The following TICAM2 variants were observed in gnomAD, a reference collection of about 807,000 sequenced individuals.
TICAM2 encodes the protein TIR domain containing adaptor molecule 2.
Under a neutral mutation model 7.3 loss-of-function variants are expected in TICAM2, and 8 were observed. That is an observed-to-expected ratio of 1.10 (90% CI 0.65 to 1.99). The LOEUF is 1.99. Among genes scored for constraint, TICAM2 ranks in the 30% most tolerant of loss-of-function variants. The pLI is 0.00. For synonymous variants in TICAM2, 113 were observed against 99.6 expected (o/e 1.13, Z -0.80); for missense variants, 304 against 278.8 (o/e 1.09, Z -0.65).
At chr5:115,589,021 G>A (rs1279593815) in intron 1 of TICAM2, among the ~76,000 whole-genome samples, 1 of 152,158 alleles carries the variant, frequency 6.6e-6, no homozygotes, top group Non-Finnish European at 1.5e-5. Flanking sequence ...AACTAGAGTA[G>A]ATTCTGTTGT....
At chr5:115,602,479 TGGC>T (rs1252562254), upstream of TICAM2, 4 of 150,872 alleles carry the variant, frequency 2.7e-5, no homozygotes, top group African/African-American at 9.8e-5. Flanking sequence ...GGGGTTAATG[TGGC>T]GGGATAACTC....
chr5:115,600,980 C>T (rs1433513237), intron 1 of TICAM2, among the ~76,000 whole-genome samples: 1 of 152,180 alleles, frequency 6.6e-6, no homozygotes, highest in African/African-American at 2.4e-5. Context: ...CATGATTCAA[C>T]AGTGTAAACA....
intron 1 of TICAM2, among the ~76,000 whole-genome samples, chr5:115,596,718 GACCATCCTGACTA>G (rs1030752014): frequency 2.0e-5 from 3 of 152,212 alleles, no homozygotes; most frequent in African/African-American, 7.2e-5. Context: ...AGGAGATCAA[GACCATCCTGACTA>G]ACATGGTGAA....
At chr5:115,592,499 C>G (rs1463834195) in intron 1 of TICAM2, among the ~76,000 whole-genome samples, 2 of 152,152 alleles carry the variant, frequency 1.3e-5, no homozygotes, top group Non-Finnish European at 1.5e-5. Flanking sequence ...TCCTAACCCT[C>G]TCTCTCAATT....
At chr5:115,598,223 T>C (rs1319950068) in intron 1 of TICAM2, among the ~76,000 whole-genome samples, 1 of 152,230 alleles carries the variant, frequency 6.6e-6, no homozygotes, top group Non-Finnish European at 1.5e-5. Context: ...CTTCCTTATA[T>C]ATATCTTTTC....
At chr5:115,594,497 G>A (rs1051517635) in intron 1 of TICAM2, among the ~76,000 whole-genome samples, 3 of 152,208 alleles carry the variant, frequency 2.0e-5, no homozygotes, top group Non-Finnish European at 2.9e-5. Flanking sequence ...GTCAGCTTAG[G>A]AGACTAAGTT....
chr5:115,601,515 G>T (rs1207216916), intron 1 of TICAM2, among the ~76,000 whole-genome samples: 3 of 152,116 alleles, frequency 2.0e-5, no homozygotes, highest in Non-Finnish European at 4.4e-5. Context: ...TTTACCTCCA[G>T]ATCATATAGC....
chr5:115,599,590 C>T (rs533835429), intron 1 of TICAM2, among the ~76,000 whole-genome samples: 2 of 152,280 alleles, frequency 1.3e-5, no homozygotes, highest in South Asian at 2.1e-4. Context: ...TATTTAATAG[C>T]AACCTACCGC....
At position 115,582,973 on chromosome 5, in the gene TICAM2, C is replaced by T. The variant is rs73782705; in HGVS notation, c.-59-1658G>A. Among the ~76,000 whole-genome samples the T allele has an allele frequency of 2.8e-3, 424 of 152,328 alleles. 1 individual carries two copies. The highest frequency in any genetic ancestry group is 9.8e-3 in the African/African-American group (407 of 41,586). Reference sequence around the variant, plus strand: ...AAACTGCTGACCACTCCGTCATTCACTCTGTCTGTACTTTAGGTTCTCGCT... The same window carrying T: ...AAACTGCTGACCACTCCGTCATTCATTCTGTCTGTACTTTAGGTTCTCGCT... On this transcript the variant is annotated intron_variant, in intron 1 of 1. Transcript: ENST00000427199.
chr5:115,598,529 T>TATC (rs1457803863), intron 1 of TICAM2, among the ~76,000 whole-genome samples: 1 of 152,198 alleles, frequency 6.6e-6, no homozygotes, highest in Non-Finnish European at 1.5e-5. Flanking sequence ...TTGTGGACCC[T>TATC]ATCTCTTCAC....
At chr5:115,584,562 A>G (rs1755037023) in intron 1 of TICAM2, among the ~76,000 whole-genome samples, 2 of 152,354 alleles carry the variant, frequency 1.3e-5, no homozygotes, top group Admixed American at 1.3e-4. Context: ...CATTTGTAAC[A>G]GTGATTCATT....
intron 1 of TICAM2, 42 bp from the exon 2 acceptor site, chr5:115,581,357 C>G: frequency 6.6e-7 from 1 of 1,524,188 alleles, no homozygotes; most frequent in Non-Finnish European, 8.8e-7. Context: ...TAAATTTAAT[C>G]AAAACATTAA....
chr5:115,599,963 A>T (rs1489462399), intron 1 of TICAM2, among the ~76,000 whole-genome samples: 1 of 152,102 alleles, frequency 6.6e-6, no homozygotes, highest in Admixed American at 6.5e-5. Flanking sequence ...TATTTGGAAA[A>T]GACTGTAGAG....
chr5:115,587,357 GAGA>G (rs1198747401), intron 1 of TICAM2, among the ~76,000 whole-genome samples: 2 of 152,288 alleles, frequency 1.3e-5, no homozygotes, highest in African/African-American at 2.4e-5. Flanking sequence ...ACCTTTTAGA[GAGA>G]AGGTGAGTGC....
chr5:115,586,098 T>C (rs745352299), intron 1 of TICAM2, among the ~76,000 whole-genome samples: 22 of 152,100 alleles, frequency 1.4e-4, no homozygotes, highest in African/African-American at 4.6e-4. Flanking sequence ...TTTGTATAGA[T>C]TGTATTTGAG....
chr5:115,599,368 T>C (rs902209421), intron 1 of TICAM2, among the ~76,000 whole-genome samples: 2 of 152,166 alleles, frequency 1.3e-5, no homozygotes, highest in Non-Finnish European at 2.9e-5. Context: ...CCATTTTCTG[T>C]ATCTAAAAAT....
chr5:115,601,482 T>G (rs1755736242), intron 1 of TICAM2, among the ~76,000 whole-genome samples: 2 of 152,158 alleles, frequency 1.3e-5, no homozygotes, highest in South Asian at 4.1e-4. Flanking sequence ...GGATGACACT[T>G]CAACTCTATA....
At chr5:115,590,683 T>G (rs931141939) in intron 1 of TICAM2, among the ~76,000 whole-genome samples, 6 of 152,254 alleles carry the variant, frequency 3.9e-5, no homozygotes, top group African/African-American at 1.4e-4. Context: ...TTCTTCTGTT[T>G]GTACTTTTGC....
chr5:115,580,657 A>G lies in TICAM2; in HGVS notation c.600T>C (p.Arg200=). ...TTCTTTCTACTTGTGTAGGAAATCCACGACTTTCTTCCTCTAAGGCATTGA... is the reference window on the plus strand; with the variant it reads ...TTCTTTCTACTTGTGTAGGAAATCCGCGACTTTCTTCCTCTAAGGCATTGA... ...QTINALEEES[R]GFPTQVERIF... The change falls in exon 2 of 2, where the codon CGT becomes CGC. Residue 200 remains arginine (R), a synonymous_variant. Coordinates refer to ENST00000427199, the MANE Select transcript of TICAM2 (RefSeq NM_021649.7). 6.3e-7 allele frequency: 1 copy of G among 1,580,768 alleles called. No individual in the cohort carries two copies. Among genetic ancestry groups the G allele is most frequent in the Admixed American group, 1.9e-5 (1 of 51,778 alleles).
Sources: gnomAD v4.1 joint callset for allele counts (sites outside exome capture counted in the v4.1 genomes callset) on GRCh38, gnomAD v4.1.1 for gene constraint, MANE v1.5 for transcripts, NCBI Gene and HGNC (gene_info 2026-07-23, HGNC 2026-07-21) for gene names.